The following CNTLN variants were observed in gnomAD, a reference collection of about 807,000 sequenced individuals.
CNTLN encodes the protein centlein, centrosomal protein.
In CNTLN, 212 loss-of-function variants were observed where a neutral mutation model predicts 180.0. The observed-to-expected ratio is 1.18, with a 90% confidence interval of 1.05 to 1.32. The LOEUF is 1.32. CNTLN is among the 40% of genes most tolerant of loss of function. The pLI is 0.00. For missense variants in CNTLN, 2,095 were observed against 1,610.9 expected (o/e 1.30, Z -5.14); for synonymous variants, 722 against 563.1 (o/e 1.28, Z -3.99).
chr9:17,136,214 T>C (rs747850893), intron 1 of CNTLN, among the ~76,000 whole-genome samples: 3 of 152,164 alleles, frequency 2.0e-5, no homozygotes, highest in Admixed American at 6.5e-5. Flanking sequence ...TTAGATAGGG[T>C]TGGGAGATTG....
At chr9:17,163,873 G>A (rs893448040) in intron 2 of CNTLN, among the ~76,000 whole-genome samples, 2 of 148,226 alleles carry the variant, frequency 1.3e-5, no homozygotes, top group South Asian at 2.1e-4. Flanking sequence ...ACAAAAATTA[G>A]TTGGGTGTGG....
At chr9:17,404,486 C>T (rs749814557) in intron 15 of CNTLN, among the ~76,000 whole-genome samples, 2 of 151,540 alleles carry the variant, frequency 1.3e-5, no homozygotes, top group African/African-American at 2.4e-5. Context: ...GTACCCTGGC[C>T]ATTTTGGATT....
intron 15 of CNTLN, among the ~76,000 whole-genome samples, chr9:17,402,351 T>C (rs1827044892): frequency 6.6e-6 from 1 of 151,766 alleles, no homozygotes; most frequent in South Asian, 2.1e-4. Flanking sequence ...TGACTTGCAC[T>C]GTATCAAGAG....
intron 6 of CNTLN, among the ~76,000 whole-genome samples, chr9:17,293,220 A>AACC (rs1436161761): frequency 6.6e-6 from 1 of 152,242 alleles, no homozygotes; most frequent in Non-Finnish European, 1.5e-5. Flanking sequence ...GTTATCTGGC[A>AACC]ACCCCTGTTG....
intron 18 of CNTLN, among the ~76,000 whole-genome samples, chr9:17,434,664 C>G (rs901564385): frequency 6.6e-6 from 1 of 151,942 alleles, no homozygotes; most frequent in African/African-American, 2.4e-5. Flanking sequence ...TTCATGGGAA[C>G]TTGAACAAAA....
At chr9:17,493,040 GA>G (rs1429150559) in intron 25 of CNTLN, among the ~76,000 whole-genome samples, 2 of 152,102 alleles carry the variant, frequency 1.3e-5, no homozygotes, top group Non-Finnish European at 2.9e-5. Context: ...CATAGAGACA[GA>G]AAGTAGAATG....
At chr9:17,490,627 A>T (rs1833112804) in intron 25 of CNTLN, among the ~76,000 whole-genome samples, 1 of 152,042 alleles carries the variant, frequency 6.6e-6, no homozygotes. Context: ...TCTGAGGATG[A>T]TGAAAATGCT....
chr9:17,244,218 GT>G (rs61193447), intron 5 of CNTLN, among the ~76,000 whole-genome samples: 11,847 of 71,416 alleles, frequency 0.17, 798 homozygotes, highest in African/African-American at 0.42. Context: ...TTTTGTTTTT[GT>G]TTTTTTTTTT....
At chr9:17,214,460 C>T (rs1238862293) in intron 2 of CNTLN, among the ~76,000 whole-genome samples, 3 of 152,128 alleles carry the variant, frequency 2.0e-5, no homozygotes, top group Non-Finnish European at 2.9e-5. Context: ...GTGGGTAACC[C>T]GACCTTTCTC....
chr9:17,508,647 A>G (rs752120892), downstream of CNTLN, among the ~76,000 whole-genome samples: 6 of 152,236 alleles, frequency 3.9e-5, no homozygotes, highest in Non-Finnish European at 7.3e-5. Context: ...AGAGTGTTAT[A>G]TAAATGGAAT....
chr9:17,442,545 C>T (rs1392704940), intron 18 of CNTLN, among the ~76,000 whole-genome samples: 6 of 152,178 alleles, frequency 3.9e-5, no homozygotes, highest in African/African-American at 9.6e-5. Flanking sequence ...ATTACAGGCG[C>T]GAGCCACCAT....
intron 8 of CNTLN, among the ~76,000 whole-genome samples, chr9:17,315,374 G>A (rs1413662091): frequency 6.6e-6 from 1 of 152,032 alleles, no homozygotes; most frequent in Non-Finnish European, 1.5e-5. Flanking sequence ...ACAGTAGTGT[G>A]TCCTTTTTGT....
chr9:17,348,548 T>G (rs998901819), intron 12 of CNTLN, among the ~76,000 whole-genome samples: 1 of 147,370 alleles, frequency 6.8e-6, no homozygotes, highest in African/African-American at 2.6e-5. Flanking sequence ...TTTTTTTTTT[T>G]GAGACGGAGT....
intron 7 of CNTLN, chr9:17,299,004 G>C (rs1818152283): frequency 1.1e-6 from 1 of 887,480 alleles, no homozygotes; most frequent in African/African-American, 1.8e-5. Flanking sequence ...AGCACTTTGG[G>C]AGGCTGAGGC....
At chr9:17,491,236 T>C (rs996307810) in intron 25 of CNTLN, among the ~76,000 whole-genome samples, 25 of 152,060 alleles carry the variant, frequency 1.6e-4, no homozygotes, top group African/African-American at 6.0e-4. Context: ...TTAAAAAATA[T>C]ATATATGAGT....
At chr9:17,178,098 T>C (rs1029276018) in intron 2 of CNTLN, among the ~76,000 whole-genome samples, 1 of 151,220 alleles carries the variant, frequency 6.6e-6, no homozygotes, top group Non-Finnish European at 1.5e-5. Flanking sequence ...TTGAGCTAGA[T>C]ACAGAGTGCT....
chr9:17,277,059 A>AC (rs147144064), intron 6 of CNTLN, among the ~76,000 whole-genome samples: 1 of 136,678 alleles, frequency 7.3e-6, no homozygotes, highest in African/African-American at 2.8e-5. Context: ...CTTTTACCTG[A>AC]TGGTAATGAT....
At chr9:17,256,962 C>T (rs1267671423) in intron 5 of CNTLN, among the ~76,000 whole-genome samples, 2 of 151,546 alleles carry the variant, frequency 1.3e-5, no homozygotes, top group Non-Finnish European at 3.0e-5. Context: ...ACCTCCTATA[C>T]ATTTTGTTTA....
intron 3 of CNTLN, among the ~76,000 whole-genome samples, chr9:17,229,193 A>G (rs1824660910): frequency 6.6e-6 from 1 of 152,130 alleles, no homozygotes; most frequent in Non-Finnish European, 1.5e-5. Context: ...AATTGAGAAG[A>G]GAGAGTTTCA....
Sources: gnomAD v4.1 joint callset for allele counts (sites outside exome capture counted in the v4.1 genomes callset) on GRCh38, gnomAD v4.1.1 for gene constraint, MANE v1.5 for transcripts, NCBI Gene and HGNC (gene_info 2026-07-23, HGNC 2026-07-21) for gene names.